The following GTPBP1 variants were observed in gnomAD, a reference collection of about 807,000 sequenced individuals.
The protein encoded by GTPBP1 is GTP-binding protein 1.
In GTPBP1, 23 loss-of-function variants were observed where a neutral mutation model predicts 62.0. That is an observed-to-expected ratio of 0.37 (90% CI 0.27 to 0.53). The LOEUF is 0.53. GTPBP1 is among the 20% of genes least tolerant of loss of function. The probability of loss-of-function intolerance (pLI) is 0.89; values close to 1 mark genes in which losing one functional copy is unlikely to be tolerated. For missense variants in GTPBP1, 640 were observed against 917.3 expected (o/e 0.70, Z 3.90); for synonymous variants, 344 against 364.4 (o/e 0.94, Z 0.64).
chr22:38,728,146 C>A lies in GTPBP1; in HGVS notation c.1701C>A (p.Val567=), dbSNP rs144759702. Residue 567 remains valine (V), a synonymous_variant, in exon 10 of 12, where the codon GTC becomes GTA. Transcript: ENST00000216044. The stretch of plus-strand genomic sequence containing the variant: ...TCCGGGAAGGCCGCACCAAGGCTGT[C>A]GGCACCATCACCAAGGTATGGCCAG... ...LVFREGRTKA[V]GTITKLLQTT... is the part of the protein sequence containing the mutation. The A allele has an allele frequency of 1.2e-6, 2 of 1,612,782 alleles. No individual in the cohort carries two copies. Among genetic ancestry groups the A allele is most frequent in the African/African-American group, 2.7e-5 (2 of 74,892 alleles).
downstream of GTPBP1, chr22:38,736,327 C>G (rs535964776): frequency 2.2e-5 from 36 of 1,614,028 alleles, no homozygotes; most frequent in Middle Eastern, 5.0e-4. Flanking sequence ...CGGGGTGGCC[C>G]CAGTTAGTCA....
downstream of GTPBP1, chr22:38,738,924 G>C: frequency 1.2e-6 from 2 of 1,612,976 alleles, no homozygotes; most frequent in Non-Finnish European, 1.7e-6. This position sits in a 1 kb window ranked among gnomAD's most constrained non-coding sequence, Gnocchi z 6.6. Context: ...GGATGCCGAA[G>C]AGGCTGAGGA....
downstream of GTPBP1, chr22:38,741,079 A>G (rs935019340): frequency 6.3e-7 from 1 of 1,582,720 alleles, no homozygotes; most frequent in African/African-American, 1.3e-5. Flanking sequence ...CAAATACAAG[A>G]AATACTCATC....
chr22:38,725,738 T>C (rs1363936080), intron 6 of GTPBP1: 2 of 454,738 alleles, frequency 4.4e-6, no homozygotes, highest in Non-Finnish European at 7.9e-6. Flanking sequence ...GGTTCCAAAC[T>C]AGGGCAGTGG....
chr22:38,713,319 C>T (rs1408340624), intron 2 of GTPBP1, among the ~76,000 whole-genome samples: 5 of 152,118 alleles, frequency 3.3e-5, no homozygotes, highest in African/African-American at 9.7e-5. Context: ...CCTGGGGAGC[C>T]ATTCATAAGC....
rs2092754271 is a variant in GTPBP1, at chr22:38,730,802, C to A, written c.*98C>A. 8 of 653,194 alleles carry A rather than the reference C, an allele frequency of 1.2e-5. No individual in the cohort carries two copies. The highest frequency in any genetic ancestry group is 2.1e-5 in the Non-Finnish European group (8 of 390,176). The allele number at this position is 653,194 out of a possible 1,614,324, so 40.5% of individuals were successfully genotyped here. On this transcript the variant is annotated 3_prime_UTR_variant, in exon 12 of 12. Transcript: ENST00000216044. This position sits in a 1 kb window ranked among gnomAD's most constrained non-coding sequence, Gnocchi z 5.6. Reference sequence around the variant, plus strand: ...CAGCTATGACCGCCACCCAGCCCTCCCGCTCAGGCCACAGCCGGAGCCTCC... The same window carrying A: ...CAGCTATGACCGCCACCCAGCCCTCACGCTCAGGCCACAGCCGGAGCCTCC...
intron 4 of GTPBP1, among the ~76,000 whole-genome samples, chr22:38,719,963 C>T (rs1165733119): frequency 7.0e-6 from 1 of 143,738 alleles, no homozygotes; most frequent in African/African-American, 2.6e-5. Context: ...GAGTCTCGCT[C>T]TGTCGCCCAG....
At chr22:38,718,672 G>A (rs920033707) in intron 4 of GTPBP1, among the ~76,000 whole-genome samples, 2 of 152,192 alleles carry the variant, frequency 1.3e-5, no homozygotes, top group South Asian at 2.1e-4. Flanking sequence ...GGGCGTCTCC[G>A]TGACACACTG....
At chr22:38,720,682 A>G (rs1295167182) in intron 4 of GTPBP1, among the ~76,000 whole-genome samples, 2 of 152,212 alleles carry the variant, frequency 1.3e-5, no homozygotes, top group Non-Finnish European at 2.9e-5. Context: ...TTATGTAACC[A>G]GTCCTTACGG....
chr22:38,730,464 C>A lies in GTPBP1; in HGVS notation c.1918-148C>A. The A allele has an allele frequency of 1.6e-6, 1 of 622,316 alleles. No homozygotes were observed. Among genetic ancestry groups the A allele is most frequent in the Non-Finnish European group, 2.9e-6 (1 of 347,494 alleles). 38.5% of individuals were successfully genotyped at this position (622,316 alleles called of 1,614,324 possible). ...AGGGGAGGTGCTGCATGCAGAGTGA[C>A]CCAGTAAATTCCTGGTCAGGCTAGG... On this transcript the variant is annotated intron_variant, in intron 11 of 11. Coordinates refer to ENST00000216044, the MANE Select transcript of GTPBP1 (RefSeq NM_004286.5). The surrounding 1 kb of genome is among the most constrained non-coding windows in gnomAD (Gnocchi z 5.6).
rs2092622297 is a variant in GTPBP1, at chr22:38,708,946, G to T, written c.294G>T (p.Gly98=). The T allele has an allele frequency of 6.4e-7, 1 of 1,569,742 alleles. No individual in the cohort carries two copies. The highest frequency in any genetic ancestry group is 8.8e-7 in the Non-Finnish European group (1 of 1,139,328). Residue 98 remains glycine (G), a synonymous_variant, in exon 2 of 12, where the codon GGG becomes GGT. Coordinates refer to ENST00000216044, the MANE Select transcript of GTPBP1 (RefSeq NM_004286.5). ...EGCGETIYVI[G]QGSDGTEYGL... ...GCGGAGAGACCATATATGTCATTGG[G>T]CAGGGATCAGGTGAGCATAGTTTTC...
downstream of GTPBP1, chr22:38,739,171 C>G: frequency 1.1e-6 from 1 of 893,748 alleles, no homozygotes; most frequent in African/African-American, 1.6e-5. The surrounding 1 kb of genome is among the most constrained non-coding windows in gnomAD (Gnocchi z 6.7). Flanking sequence ...GTACTCGGTA[C>G]GTCCTGACTT....
At chr22:38,739,076 C>T (rs377281247), downstream of GTPBP1, 50 of 1,303,796 alleles carry the variant, frequency 3.8e-5, no homozygotes, top group Admixed American at 2.8e-4. The surrounding 1 kb of genome is among the most constrained non-coding windows in gnomAD (Gnocchi z 6.7). Flanking sequence ...TGAAGGTGGA[C>T]GGCAGATGCC....
chr22:38,733,944 C>T (rs1173199271), downstream of GTPBP1, among the ~76,000 whole-genome samples: 8 of 152,308 alleles, frequency 5.3e-5, no homozygotes, highest in South Asian at 2.1e-4. Context: ...ATTGGTGCTG[C>T]GTGGGGATGT....
chr22:38,741,124 C>T, downstream of GTPBP1: 2 of 1,505,168 alleles, frequency 1.3e-6, no homozygotes, highest in South Asian at 2.4e-5. Flanking sequence ...GATCTGCTGT[C>T]TGTTAGCGTC....
intron 4 of GTPBP1, among the ~76,000 whole-genome samples, chr22:38,718,962 T>C (rs2092685332): frequency 6.6e-6 from 1 of 152,236 alleles, no homozygotes; most frequent in Non-Finnish European, 1.5e-5. Flanking sequence ...GCCATATTTA[T>C]GTGTCTATAT....
At chr22:38,712,944 G>C (rs1972384475) in intron 2 of GTPBP1, among the ~76,000 whole-genome samples, 1 of 152,216 alleles carries the variant, frequency 6.6e-6, no homozygotes, top group South Asian at 2.1e-4. Context: ...GAAAGGCACT[G>C]GTTGTGGGGC....
downstream of GTPBP1, chr22:38,736,619 C>T: frequency 2.7e-6 from 1 of 374,226 alleles, no homozygotes; most frequent in Non-Finnish European, 4.8e-6. Flanking sequence ...ATGAATTCAT[C>T]CACAATCGTT....
Position 38,729,682 on chromosome 22 carries a change from A to C in GTPBP1, c.1917+20A>C, listed in dbSNP as rs2092746435. The C allele has an allele frequency of 8.3e-6, 12 of 1,447,840 alleles. No individual in the cohort carries two copies. Among genetic ancestry groups the C allele is most frequent in the Non-Finnish European group, 7.3e-6 (8 of 1,097,572 alleles). The allele number at this position is 1,447,840 out of a possible 1,614,324, so 89.7% of individuals were successfully genotyped here. On this transcript the variant is annotated intron_variant, in intron 11 of 11. Coordinates refer to ENST00000216044, the MANE Select transcript of GTPBP1 (RefSeq NM_004286.5). ...CCTCAGGTGAGCACGGGCCCCTCGC[A>C]GCTTCGGCATGGTGGTGGGGGCTGT...
Sources: gnomAD v4.1 joint callset for allele counts (sites outside exome capture counted in the v4.1 genomes callset) on GRCh38, gnomAD v4.1.1 for gene constraint, Gnocchi (gnomAD v3.1) non-coding constraint, MANE v1.5 for transcripts, NCBI Gene and HGNC (gene_info 2026-07-23, HGNC 2026-07-21) for gene names.